RICTOR: variants seen among roughly 807,000 people sequenced by gnomAD.
RICTOR encodes rapamycin-insensitive companion of mTOR.
RICTOR carries 49 observed loss-of-function variants against 214.9 expected under a neutral mutation model. That is an observed-to-expected ratio of 0.23 (90% CI 0.18 to 0.29). The LOEUF (loss-of-function observed/expected upper bound fraction) is 0.29, where lower values mean the gene tolerates loss of function less well. Among genes scored for constraint, RICTOR ranks in the 10% least tolerant of loss-of-function variants. The pLI, the probability that RICTOR is intolerant of heterozygous loss-of-function variation, is 1.00. For synonymous variants in RICTOR, 717 were observed against 711.3 expected, an observed-to-expected ratio of 1.01 and a Z score of -0.13; for missense variants, 1,625 against 2,047.0, an observed-to-expected ratio of 0.79 and a Z score of 3.98.
Position 38,950,303 on chromosome 5 carries a change from T to C in RICTOR, c.3545A>G (p.Asp1182Gly), listed in dbSNP as rs200720027. Residue 1182 changes from aspartate to glycine, a missense_variant, in exon 31 of 38, where the codon GAC becomes GGC. Coordinates refer to ENST00000357387, the MANE Select transcript of RICTOR (RefSeq NM_152756.5). ...TGSTPSIGEN[D>G]LKFTKNFGTE... Reference sequence around the variant, plus strand: ...ACCAAAATTCTTGGTGAATTTTAAGTCATTTTCTCCAATGCTTGGTGTACT... The same window carrying C: ...ACCAAAATTCTTGGTGAATTTTAAGCCATTTTCTCCAATGCTTGGTGTACT... The C allele has an allele frequency of 2.8e-4, 455 of 1,613,432 alleles. 2 individuals are homozygous for C. The highest frequency in any genetic ancestry group is 3.2e-4 in the Non-Finnish European group (377 of 1,179,624).
Position 38,994,451 on chromosome 5 carries a change from A to AAAAAAAAAAAAAAAAAAAAAG in RICTOR, c.456+2367_456+2368insCTTTTTTTTTTTTTTTTTTTT, listed in dbSNP as rs1304761708. On this transcript the variant is annotated intron_variant, in intron 6 of 37. Transcript: ENST00000357387. ...AAAAAAAAAAAAAAAAAAAAAAAAA[A>AAAAAAAAAAAAAAAAAAAAAG]AGTGCTTCAGATGCCAAAAGCACTA... 5.7e-4 allele frequency among the ~76,000 whole-genome samples: 58 copies of AAAAAAAAAAAAAAAAAAAAAG among 101,562 alleles called. 12 individuals carry two copies. The highest frequency in any genetic ancestry group is 7.7e-4 in the African/African-American group (21 of 27,306). The allele number at this position is 101,562 out of a possible 152,430, so 66.6% of individuals were successfully genotyped here.
chr5:39,074,060 G>C (rs1415059594), intron 2 of RICTOR, 51 bp downstream of exon 2: 3 of 1,441,692 alleles, frequency 2.1e-6, no homozygotes, highest in East Asian at 2.9e-5. Context: ...CCCCGGACCC[G>C]GCTCCTCCCC....
chr5:39,072,409 C>T (rs1298399316), intron 2 of RICTOR, among the ~76,000 whole-genome samples: 1 of 152,188 alleles, frequency 6.6e-6, no homozygotes, highest in Non-Finnish European at 1.5e-5. Context: ...AGAGAAACCA[C>T]TATATATAGG....
At chr5:39,055,832 T>C (rs145491581) in intron 2 of RICTOR, among the ~76,000 whole-genome samples, 3 of 152,122 alleles carry the variant, frequency 2.0e-5, no homozygotes, top group Non-Finnish European at 2.9e-5. Context: ...ACGAAGTCAA[T>C]AGAATCATCA....
chr5:39,074,216 G>A, intron 1 of RICTOR, 58 bp from the exon 2 acceptor site: 1 of 1,579,282 alleles, frequency 6.3e-7, no homozygotes, highest in South Asian at 1.1e-5. Context: ...AGCTGCGGCT[G>A]CCCTGGCTCC....
intron 11 of RICTOR, among the ~76,000 whole-genome samples, chr5:38,968,979 T>G (rs1371301639): frequency 1.4e-5 from 2 of 145,638 alleles, no homozygotes; most frequent in East Asian, 4.0e-4. Context: ...TTTTTTTTTT[T>G]TTTTTTTTTT....
chr5:39,030,251 T>C (rs1175030607), intron 2 of RICTOR, among the ~76,000 whole-genome samples: 2 of 152,122 alleles, frequency 1.3e-5, no homozygotes, highest in Non-Finnish European at 2.9e-5. Context: ...TAATGAAACC[T>C]CAAACAAATC....
At chr5:39,051,688 G>A (rs1473441701) in intron 2 of RICTOR, among the ~76,000 whole-genome samples, 1 of 152,094 alleles carries the variant, frequency 6.6e-6, no homozygotes, top group Non-Finnish European at 1.5e-5. Context: ...AGGAGGCGGA[G>A]GCTGCAGTGA....
At position 38,942,392 on chromosome 5, in the gene RICTOR, G is replaced by A; in HGVS notation, c.5053-14C>T. 3 of 1,536,232 alleles carry A rather than the reference G, an allele frequency of 2.0e-6. No individual in the cohort carries two copies. ...TTCTTCATGCATCTAGGGAAAAAAT[G>A]GTGTATCATCAATTACTTTTATAAA... On this transcript the variant is annotated splice_polypyrimidine_tract_variant and intron_variant, in intron 37 of 37. Transcript: ENST00000357387.
rs549301068 is a variant in RICTOR, at chr5:38,981,184, T to C, written c.753+683A>G. 3.3e-5 allele frequency: 5 copies of C among 152,348 alleles called. No homozygotes were observed. In the East Asian group the frequency reaches 9.6e-4, roughly 29 times the overall value. The allele number at this position is 152,348 out of a possible 1,614,324, so 9.4% of individuals were successfully genotyped here. A position where few individuals can be genotyped will look rare whatever the true frequency, so the allele number is the denominator to read the frequency against. On this transcript the variant is annotated intron_variant, in intron 8 of 37. Transcript: ENST00000357387. ...AAATTAGGGGACAATCAATCTTTTA[T>C]ATCACACATGATTTCATACCTAAAT...
intron 11 of RICTOR, among the ~76,000 whole-genome samples, chr5:38,969,165 T>A (rs1214360136): frequency 6.6e-6 from 1 of 151,758 alleles, no homozygotes; most frequent in Non-Finnish European, 1.5e-5. Flanking sequence ...GCGATGGGGG[T>A]TTCACCATGT....
intron 3 of RICTOR, among the ~76,000 whole-genome samples, chr5:39,012,345 T>C (rs939041208): frequency 6.6e-6 from 1 of 152,194 alleles, no homozygotes; most frequent in Admixed American, 6.5e-5. Flanking sequence ...TCCACCATGA[T>C]TGTAAGTTTC....
chr5:39,074,091 C>T lies in RICTOR; in HGVS notation c.97+20G>A, dbSNP rs767675743. 4.0e-6 allele frequency: 6 copies of T among 1,498,790 alleles called. No homozygotes were observed. The highest frequency in any genetic ancestry group is 4.5e-6 in the Non-Finnish European group (5 of 1,108,300). 92.8% of individuals were successfully genotyped at this position (1,498,790 alleles called of 1,614,324 possible). On this transcript the variant is annotated intron_variant, in intron 2 of 37. Transcript: ENST00000357387. ...TCCCCAGCAGCGCGCCCTCGCGGCGCCCGCGGCGCCCCGCGTTACCTCGGG... is the reference window on the plus strand; with the variant it reads ...TCCCCAGCAGCGCGCCCTCGCGGCGTCCGCGGCGCCCCGCGTTACCTCGGG...
chr5:38,964,339 G>C (rs1043948036), intron 16 of RICTOR, among the ~76,000 whole-genome samples: 1 of 151,708 alleles, frequency 6.6e-6, no homozygotes, highest in Non-Finnish European at 1.5e-5. Flanking sequence ...ATCTCCTTTA[G>C]TAGCAGGAGT....
chr5:39,054,393 G>A (rs192746151), intron 2 of RICTOR, among the ~76,000 whole-genome samples: 10 of 152,096 alleles, frequency 6.6e-5, no homozygotes, highest in Admixed American at 5.9e-4. Context: ...ATGAGAGGAA[G>A]GGGAGCGCTC....
Position 38,991,034 on chromosome 5 carries a change from G to C in RICTOR, c.498C>G (p.Thr166=). 6.3e-7 allele frequency: 1 copy of C among 1,599,322 alleles called. No individual in the cohort carries two copies. Among genetic ancestry groups the C allele is most frequent in the Non-Finnish European group, 8.5e-7 (1 of 1,170,504 alleles). The part of the protein sequence containing the change: ...VNASLFPSSV[T]NSLIAVGNDG... ...CATTTCCAACTGCAATTAATGAGTT[G>C]GTCACAGAACTAGGAAACAAGGAAG... Residue 166 remains threonine (T), a synonymous_variant, in exon 7 of 38, where the codon ACC becomes ACG. Coordinates refer to ENST00000357387, the MANE Select transcript of RICTOR (RefSeq NM_152756.5).
intron 2 of RICTOR, among the ~76,000 whole-genome samples, chr5:39,068,856 C>T (rs1759095510): frequency 6.6e-6 from 1 of 152,150 alleles, no homozygotes; most frequent in South Asian, 2.1e-4. Context: ...AAAGTGGGTA[C>T]ACTTTGGGGT....
intron 2 of RICTOR, among the ~76,000 whole-genome samples, chr5:39,035,478 C>CT (rs1300943775): frequency 2.6e-5 from 4 of 152,190 alleles, no homozygotes; most frequent in Non-Finnish European, 5.9e-5. Context: ...CGGAGAATGA[C>CT]TTTGACGAGT....
intron 7 of RICTOR, among the ~76,000 whole-genome samples, 191 bp downstream of exon 7, chr5:38,990,758 T>TATATC (rs1752670212): frequency 9.5e-6 from 1 of 104,888 alleles, no homozygotes; most frequent in African/African-American, 3.6e-5. Flanking sequence ...ATATATGATA[T>TATATC]ATATGAGATA....
Sources: gnomAD v4.1 joint callset for allele counts (sites outside exome capture counted in the v4.1 genomes callset) on GRCh38, gnomAD v4.1.1 for gene constraint, MANE v1.5 for transcripts, NCBI Gene and HGNC (gene_info 2026-07-23, HGNC 2026-07-21) for gene names.